The following KALRN variants were observed in gnomAD, a reference collection of about 807,000 sequenced individuals.
The protein encoded by KALRN is kalirin RhoGEF kinase.
Under a neutral mutation model 353.7 loss-of-function variants are expected in KALRN, and 70 were observed. That is an observed-to-expected ratio of 0.20 (90% CI 0.16 to 0.24). The LOEUF (loss-of-function observed/expected upper bound fraction) is 0.24. KALRN is among the 10% of genes least tolerant of loss of function. KALRN has a pLI of 1.00. For synonymous variants in KALRN, 1,391 were observed against 1,434.8 expected (o/e 0.97, Z 0.69); for missense variants, 2,791 against 3,756.7 (o/e 0.74, Z 6.72).
In KALRN at chr3:124,689,271, G is replaced by C. The variant is rs191480370; in HGVS notation, c.7378-4533G>C. Reference sequence around the variant, plus strand: ...GCCCAGGCAACAGTTGCCCAGTACAGTGGCACTTTCTTGGCTTGCCACAGC... The same window carrying C: ...GCCCAGGCAACAGTTGCCCAGTACACTGGCACTTTCTTGGCTTGCCACAGC... On this transcript the variant is annotated intron_variant, in intron 51 of 59. Coordinates refer to ENST00000682506, the MANE Select transcript of KALRN (RefSeq NM_001388419.1). 7.9e-4 allele frequency among the ~76,000 whole-genome samples: 120 copies of C among 152,236 alleles called. 1 individual carries two copies. The highest frequency in any genetic ancestry group is 2.7e-3 in the African/African-American group (114 of 41,534).
At chr3:124,120,785 A>C (rs995660184) in intron 1 of KALRN, among the ~76,000 whole-genome samples, 1 of 148,086 alleles carries the variant, frequency 6.8e-6, no homozygotes, top group East Asian at 1.9e-4. Context: ...ATGTGTATTT[A>C]TGCAGCACCT....
chr3:124,264,734 T>C (rs758024997), intron 4 of KALRN, 44 bp downstream of exon 4: 1 of 1,523,526 alleles, frequency 6.6e-7, no homozygotes, highest in Non-Finnish European at 9.1e-7. Context: ...TCCCTTCCCC[T>C]TCTGCCATCC....
intron 5 of KALRN, among the ~76,000 whole-genome samples, chr3:124,281,121 G>T (rs568109500): frequency 6.6e-6 from 1 of 152,272 alleles, no homozygotes; most frequent in Admixed American, 6.5e-5. Context: ...GCCTCTAGCT[G>T]GAATCCCAGA....
intron 51 of KALRN, among the ~76,000 whole-genome samples, chr3:124,692,462 C>T (rs2061863308): frequency 6.6e-6 from 1 of 152,226 alleles, no homozygotes; most frequent in Non-Finnish European, 1.5e-5. Flanking sequence ...AGAAACCATG[C>T]ATGTTCACAA....
intron 25 of KALRN, among the ~76,000 whole-genome samples, chr3:124,472,638 G>C (rs2061049597): frequency 6.7e-6 from 1 of 149,342 alleles, no homozygotes; most frequent in Admixed American, 6.7e-5. Flanking sequence ...TGATGATGAG[G>C]CAGATTGATT....
At position 124,347,136 on chromosome 3, in the gene KALRN, T is replaced by G; in HGVS notation, c.1648-7T>G. ...AGTCATTGTTGCTGTTATCCTTCTT[T>G]GACCAGGTGTTGGACTGGATTGAAA... On this transcript the variant is annotated splice_region_variant and splice_polypyrimidine_tract_variant and intron_variant, in intron 9 of 59. Coordinates refer to ENST00000682506, the MANE Select transcript of KALRN (RefSeq NM_001388419.1). The G allele has an allele frequency of 1.2e-6, 2 of 1,614,056 alleles. No individual in the cohort carries two copies. The highest frequency in any genetic ancestry group is 4.5e-5 in the East Asian group (2 of 44,878).
At chr3:124,078,966 C>A (rs1373505964) in intron 1 of KALRN, among the ~76,000 whole-genome samples, 1 of 152,186 alleles carries the variant, frequency 6.6e-6, no homozygotes, top group Non-Finnish European at 1.5e-5. Context: ...TTATTCTCTT[C>A]TATCTGGGAA....
chr3:124,322,783 C>T (rs2079475543), intron 6 of KALRN, among the ~76,000 whole-genome samples: 1 of 152,190 alleles, frequency 6.6e-6, no homozygotes, highest in African/African-American at 2.4e-5. Flanking sequence ...CTTGCCATTA[C>T]TCCCTTCTCA....
intron 51 of KALRN, among the ~76,000 whole-genome samples, chr3:124,691,875 G>T (rs994222042): frequency 6.6e-6 from 1 of 152,124 alleles, no homozygotes; most frequent in Middle Eastern, 3.2e-3. Context: ...CCTTCCCCAT[G>T]CCATGCCTCG....
chr3:124,697,000 G>C (rs1476563708), intron 54 of KALRN, among the ~76,000 whole-genome samples: 2 of 152,106 alleles, frequency 1.3e-5, no homozygotes, highest in African/African-American at 4.8e-5. Flanking sequence ...ACTCACTGCA[G>C]CCTCAACCTC....
intron 33 of KALRN, among the ~76,000 whole-genome samples, chr3:124,554,285 G>A (rs193098215): frequency 6.6e-6 from 1 of 152,334 alleles, no homozygotes; most frequent in African/African-American, 2.4e-5. Flanking sequence ...GACCTGGGAG[G>A]TGGAGGTTTG....
intron 12 of KALRN, among the ~76,000 whole-genome samples, chr3:124,396,653 G>A (rs1291096862): frequency 1.3e-5 from 2 of 152,222 alleles, no homozygotes; most frequent in Non-Finnish European, 2.9e-5. Context: ...CTTTTCACAG[G>A]CTTGGCTGGC....
chr3:124,351,234 A>G (rs2082801750), intron 10 of KALRN, among the ~76,000 whole-genome samples: 1 of 152,190 alleles, frequency 6.6e-6, no homozygotes, highest in South Asian at 2.1e-4. Flanking sequence ...TCGAGTAAGA[A>G]GATCAATGAC....
chr3:124,119,481 A>G (rs948167760), intron 1 of KALRN, among the ~76,000 whole-genome samples: 2 of 152,240 alleles, frequency 1.3e-5, no homozygotes, highest in East Asian at 1.9e-4. Context: ...CTGAATCTCA[A>G]TGAAATATTT....
chr3:124,352,692 T>C (rs1171968198), intron 10 of KALRN, among the ~76,000 whole-genome samples: 1 of 150,798 alleles, frequency 6.6e-6, no homozygotes, highest in African/African-American at 2.4e-5. Context: ...TTTTTTTTTA[T>C]CAAACTTGAA....
chr3:124,555,465 AG>A (rs1048500689), intron 33 of KALRN, among the ~76,000 whole-genome samples: 7 of 150,438 alleles, frequency 4.7e-5, no homozygotes, highest in African/African-American at 1.7e-4. Flanking sequence ...AAATAAATAA[AG>A]TTATCTTGTT....
intron 1 of KALRN, among the ~76,000 whole-genome samples, chr3:124,176,897 C>T (rs539284017): frequency 1.3e-5 from 2 of 152,272 alleles, no homozygotes; most frequent in South Asian, 2.1e-4. Flanking sequence ...TTGGAGATTA[C>T]CTCTTACCTG....
chr3:124,446,537 G>C (rs1192067874), intron 20 of KALRN, among the ~76,000 whole-genome samples: 1 of 152,214 alleles, frequency 6.6e-6, no homozygotes, highest in Non-Finnish European at 1.5e-5. Flanking sequence ...GCCTGGCCTA[G>C]AAGAGTCCTC....
chr3:124,043,959 A>G (rs958075724), intron 1 of KALRN, among the ~76,000 whole-genome samples: 3 of 152,090 alleles, frequency 2.0e-5, no homozygotes, highest in Non-Finnish European at 2.9e-5. Context: ...AGGAGGGGTC[A>G]ATGTCTGGCC....
Sources: allele counts gnomAD v4.1 joint callset (sites outside exome capture counted in the v4.1 genomes callset), GRCh38; gene constraint gnomAD v4.1.1; transcripts MANE v1.5; gene names NCBI Gene and HGNC (gene_info 2026-07-23, HGNC 2026-07-21).